Variants in ZNG1F observed in about 807,000 individuals in gnomAD.
The protein encoded by ZNG1F is zinc-regulated GTPase metalloprotein activator 1F.
At chr9:41,185,663 C>A in the ZNG1F span, among the ~76,000 whole-genome samples, 1 of 151,884 alleles carries the variant, frequency 6.6e-6, no homozygotes, top group African/African-American at 2.4e-5. Flanking sequence ...CAGAGAGAGA[C>A]TCCATCTCAA....
chr9:41,154,797 C>T, the ZNG1F span, among the ~76,000 whole-genome samples: 1 of 150,190 alleles, frequency 6.7e-6, no homozygotes, highest in Admixed American at 6.7e-5. Context: ...AACCGGCTAG[C>T]CATATGTCGA....
At chr9:41,144,501 G>A in the ZNG1F span, among the ~76,000 whole-genome samples, 7 of 140,226 alleles carry the variant, frequency 5.0e-5, no homozygotes, top group Admixed American at 5.2e-4. Flanking sequence ...ACAGGGAAAG[G>A]TGCCACAAAC....
At chr9:41,169,859 G>T in the ZNG1F span, among the ~76,000 whole-genome samples, 2,263 of 143,596 alleles carry the variant, frequency 0.016, 15 homozygotes, top group South Asian at 0.053. Flanking sequence ...AAAGCTGGGG[G>T]GTTAGAGAGA....
At chr9:41,155,142 T>A in the ZNG1F span, among the ~76,000 whole-genome samples, 1 of 151,120 alleles carries the variant, frequency 6.6e-6, no homozygotes, top group Non-Finnish European at 1.5e-5. Context: ...TACAATGAAC[T>A]CAAACAAATT....
the ZNG1F span, among the ~76,000 whole-genome samples, chr9:41,195,699 G>A: frequency 9.7e-6 from 1 of 102,888 alleles, no homozygotes; most frequent in Non-Finnish European, 2.1e-5. Flanking sequence ...TACTATAGGA[G>A]TGGTGGAATG....
chr9:41,185,260 T>A, the ZNG1F span, among the ~76,000 whole-genome samples: 1 of 135,374 alleles, frequency 7.4e-6, no homozygotes, highest in Non-Finnish European at 1.6e-5. Flanking sequence ...AAATATTGAG[T>A]TTTAACTGCA....
At chr9:41,154,941 T>G in the ZNG1F span, among the ~76,000 whole-genome samples, 2 of 146,640 alleles carry the variant, frequency 1.4e-5, no homozygotes, top group South Asian at 4.5e-4. Context: ...GACATAGGCA[T>G]GGGCAAGGAC....
the ZNG1F span, chr9:41,164,987 A>T: frequency 1.3e-6 from 2 of 1,584,898 alleles, no homozygotes; most frequent in African/African-American, 2.7e-5. Flanking sequence ...CACTTAACAC[A>T]CATCATTTTG....
At chr9:41,184,959 T>G in the ZNG1F span, among the ~76,000 whole-genome samples, 3 of 102,178 alleles carry the variant, frequency 2.9e-5, no homozygotes, top group Admixed American at 1.2e-4. Context: ...AACTGGAATA[T>G]AACTGGCTTC....
chr9:41,141,318 A>C, the ZNG1F span, among the ~76,000 whole-genome samples: 1 of 150,110 alleles, frequency 6.7e-6, no homozygotes, highest in Non-Finnish European at 1.5e-5. Flanking sequence ...TTTCTCATCT[A>C]CCTTCCCGCT....
At chr9:41,169,676 C>T in the ZNG1F span, among the ~76,000 whole-genome samples, 1 of 147,690 alleles carries the variant, frequency 6.8e-6, no homozygotes, top group African/African-American at 2.5e-5. Context: ...AGCATGATGA[C>T]TGTAGTTAAT....
chr9:41,155,005 G>A, the ZNG1F span, among the ~76,000 whole-genome samples: 1 of 150,410 alleles, frequency 6.6e-6, no homozygotes, highest in South Asian at 2.1e-4. Context: ...TTGACAGATG[G>A]GATCTAATTA....
chr9:41,146,249 T>A, the ZNG1F span, among the ~76,000 whole-genome samples: 145 of 134,582 alleles, frequency 1.1e-3, 2 homozygotes, highest in Middle Eastern at 0.011. Flanking sequence ...TCACATTAAA[T>A]AGCTACTTCA....
chr9:41,151,861 T>TG, the ZNG1F span, among the ~76,000 whole-genome samples: 6 of 144,398 alleles, frequency 4.2e-5, no homozygotes, highest in South Asian at 1.4e-3. Context: ...GCGCTAAACA[T>TG]GGAAAGGAAC....
chr9:41,151,743 G>C, the ZNG1F span, among the ~76,000 whole-genome samples: 1 of 147,380 alleles, frequency 6.8e-6, no homozygotes, highest in East Asian at 2.0e-4. Flanking sequence ...TTCATATCCA[G>C]CCAAACTAAG....
At chr9:41,164,955 G>T in the ZNG1F span, 1 of 1,558,012 alleles carries the variant, frequency 6.4e-7, no homozygotes, top group South Asian at 1.1e-5. Flanking sequence ...AACATTCTGT[G>T]TATACAATAT....
chr9:41,155,730 AG>A, the ZNG1F span, among the ~76,000 whole-genome samples: 1 of 58,154 alleles, frequency 1.7e-5, no homozygotes, highest in Non-Finnish European at 3.6e-5. Context: ...AACTATCGCA[AG>A]AACAAAAAAC....
the ZNG1F span, among the ~76,000 whole-genome samples, chr9:41,187,593 C>T: frequency 6.7e-6 from 1 of 149,612 alleles, no homozygotes; most frequent in Non-Finnish European, 1.5e-5. Flanking sequence ...TTATAAAGAT[C>T]ATTAAGGCTA....
chr9:41,165,112 G>T, the ZNG1F span: 88 of 1,554,284 alleles, frequency 5.7e-5, 6 homozygotes, highest in South Asian at 9.4e-4. Flanking sequence ...AAAAAGAAAT[G>T]TTAAGAAATT....
Sources: allele counts gnomAD v4.1 joint callset (sites outside exome capture counted in the v4.1 genomes callset), GRCh38; gene constraint gnomAD v4.1.1; transcripts MANE v1.5; gene names NCBI Gene and HGNC (gene_info 2026-07-23, HGNC 2026-07-21).